Variants in ST6GALNAC3 observed in about 807,000 individuals in gnomAD.
The protein encoded by ST6GALNAC3 is alpha-N-acetylgalactosaminide alpha-2,6-sialyltransferase 3.
A neutral mutation model predicts 32.7 loss-of-function variants in ST6GALNAC3; 25 were observed. That is an observed-to-expected ratio of 0.76 (90% CI 0.56 to 1.07). ST6GALNAC3 has a LOEUF of 1.07. Among genes scored for constraint, ST6GALNAC3 ranks in the 50% least tolerant of loss-of-function variants. The probability of loss-of-function intolerance (pLI) is 0.00; values close to 1 mark genes in which losing one functional copy is unlikely to be tolerated. For synonymous variants in ST6GALNAC3, 129 were observed against 133.1 expected (o/e 0.97, Z 0.21); for missense variants, 355 against 382.4 (o/e 0.93, Z 0.60).
intron 3 of ST6GALNAC3, among the ~76,000 whole-genome samples, chr1:76,484,796 T>C (rs1382535082): frequency 6.6e-6 from 1 of 152,224 alleles, no homozygotes; most frequent in Non-Finnish European, 1.5e-5. Flanking sequence ...CCCTGTCTTG[T>C]GCCAGTTTTC....
chr1:76,100,801 T>C (rs575554960), intron 1 of ST6GALNAC3, among the ~76,000 whole-genome samples: 6 of 78,828 alleles, frequency 7.6e-5, no homozygotes, highest in Admixed American at 5.1e-4. Context: ...TCAGAATCTG[T>C]TTTTTTTTTT....
intron 1 of ST6GALNAC3, among the ~76,000 whole-genome samples, chr1:76,160,036 AG>A (rs1651715970): frequency 6.6e-6 from 1 of 152,164 alleles, no homozygotes; most frequent in African/African-American, 2.4e-5. Flanking sequence ...AGCTCTTTGT[AG>A]GATTGTTGGT....
Position 76,632,528 on chromosome 1 carries a change from T to C in ST6GALNAC3, c.*3722T>C, listed in dbSNP as rs1294131016. 4 of 152,168 alleles carry C rather than the reference T, an allele frequency of 2.6e-5. No homozygotes were observed. Among genetic ancestry groups the C allele is most frequent in the South Asian group, 2.1e-4 (1 of 4,828 alleles). The allele number at this position is 152,168 out of a possible 1,614,324, so 9.4% of individuals were successfully genotyped here. ...CCAGATTTGCATGATTTTTATTATA[T>C]AGCTACAGAACTGTGACCACTGTGA... On this transcript the variant is annotated 3_prime_UTR_variant, in exon 5 of 5. Transcript: ENST00000328299.
intron 1 of ST6GALNAC3, among the ~76,000 whole-genome samples, chr1:76,193,146 T>G (rs11162100): frequency 0.74 from 112,497 of 152,022 alleles, 42,660 homozygotes; most frequent in East Asian, 0.95. Context: ...AGTAGATTCT[T>G]CTACCCTGTG....
chr1:76,483,490 T>G (rs1376570699), intron 3 of ST6GALNAC3, among the ~76,000 whole-genome samples: 1 of 152,238 alleles, frequency 6.6e-6, no homozygotes, highest in Non-Finnish European at 1.5e-5. Flanking sequence ...GATGAGCATT[T>G]TTTCATGTGT....
At chr1:76,375,799 A>T (rs1282447851) in intron 2 of ST6GALNAC3, among the ~76,000 whole-genome samples, 1 of 152,240 alleles carries the variant, frequency 6.6e-6, no homozygotes, top group Non-Finnish European at 1.5e-5. Flanking sequence ...TATTCATAAA[A>T]TGGAATACTA....
At chr1:76,257,081 C>T (rs2100716096) in intron 1 of ST6GALNAC3, among the ~76,000 whole-genome samples, 1 of 152,196 alleles carries the variant, frequency 6.6e-6, no homozygotes, top group East Asian at 1.9e-4. Context: ...AGTATAGAAC[C>T]ATTACAGGGA....
At chr1:76,226,392 G>GT (rs1196270484) in intron 1 of ST6GALNAC3, among the ~76,000 whole-genome samples, 1 of 152,160 alleles carries the variant, frequency 6.6e-6, no homozygotes, top group South Asian at 2.1e-4. Flanking sequence ...GGAGTAACCT[G>GT]TTTTTTCTTC....
intron 2 of ST6GALNAC3, among the ~76,000 whole-genome samples, chr1:76,405,622 TGTGTG>T (rs1020381521): frequency 1.3e-4 from 20 of 151,688 alleles, no homozygotes; most frequent in African/African-American, 4.4e-4. Flanking sequence ...TGTGTGTGTG[TGTGTG>T]GTGTGAATTT....
intron 3 of ST6GALNAC3, among the ~76,000 whole-genome samples, chr1:76,472,504 T>A (rs960075266): frequency 1.3e-5 from 2 of 152,088 alleles, no homozygotes; most frequent in African/African-American, 4.8e-5. Flanking sequence ...CTCAGTAGTC[T>A]GGTGAGTGAG....
chr1:76,418,798 C>G (rs1654824909), intron 3 of ST6GALNAC3, among the ~76,000 whole-genome samples: 1 of 151,994 alleles, frequency 6.6e-6, no homozygotes, highest in African/African-American at 2.4e-5. Context: ...AAGCATAATA[C>G]TGCATTCAGG....
rs766287242 is a variant in ST6GALNAC3, at chr1:76,304,647, C to G, written c.19-9158C>G. Among the ~76,000 whole-genome samples the G allele has an allele frequency of 4.6e-5, 7 of 152,006 alleles. 1 individual carries two copies. The highest frequency in any genetic ancestry group is 8.8e-5 in the Non-Finnish European group (6 of 67,958). On this transcript the variant is annotated intron_variant, in intron 1 of 4. Coordinates refer to ENST00000328299, the MANE Select transcript of ST6GALNAC3 (RefSeq NM_152996.4). ...GGAGAGGAGACTTCCCTTCTCACTTCACTTGTTACAGAGAGATGCATGTGA... is the reference window on the plus strand; with the variant it reads ...GGAGAGGAGACTTCCCTTCTCACTTGACTTGTTACAGAGAGATGCATGTGA...
chr1:76,604,535 G>A (rs1382961510), intron 3 of ST6GALNAC3, among the ~76,000 whole-genome samples: 3 of 152,160 alleles, frequency 2.0e-5, no homozygotes, highest in Admixed American at 6.5e-5. Flanking sequence ...CACCTCAAAT[G>A]TTAGTGTTCC....
intron 3 of ST6GALNAC3, among the ~76,000 whole-genome samples, chr1:76,459,436 C>A (rs549638535): frequency 1.3e-5 from 2 of 152,112 alleles, no homozygotes; most frequent in East Asian, 3.9e-4. Context: ...TGGTGGCGGG[C>A]ACCTGTAGTC....
chr1:76,211,064 G>T (rs184286642), intron 1 of ST6GALNAC3, among the ~76,000 whole-genome samples: 1 of 152,282 alleles, frequency 6.6e-6, no homozygotes, highest in East Asian at 1.9e-4. Flanking sequence ...CATTGGATTA[G>T]GGCCCCATGC....
intron 2 of ST6GALNAC3, among the ~76,000 whole-genome samples, chr1:76,325,660 C>T (rs1257813606): frequency 2.0e-5 from 3 of 149,564 alleles, no homozygotes; most frequent in Non-Finnish European, 4.5e-5. Flanking sequence ...AGCATGCCCC[C>T]GGAATGGTAG....
At chr1:76,152,258 T>C (rs970559337) in intron 1 of ST6GALNAC3, among the ~76,000 whole-genome samples, 4 of 152,236 alleles carry the variant, frequency 2.6e-5, no homozygotes, top group Non-Finnish European at 5.9e-5. Context: ...TTTTTGCTTT[T>C]CCAAGGACAC....
intron 3 of ST6GALNAC3, among the ~76,000 whole-genome samples, chr1:76,451,229 T>G (rs1310111977): frequency 6.6e-6 from 1 of 152,162 alleles, no homozygotes; most frequent in Non-Finnish European, 1.5e-5. Context: ...ACTGGGTAAT[T>G]TAGAAAGGAA....
intron 3 of ST6GALNAC3, among the ~76,000 whole-genome samples, chr1:76,481,905 C>T (rs962823373): frequency 6.6e-6 from 1 of 152,070 alleles, no homozygotes; most frequent in African/African-American, 2.4e-5. Context: ...GCCCTAGTCT[C>T]GACAACTAAT....
Sources: gnomAD v4.1 joint callset for allele counts (sites outside exome capture counted in the v4.1 genomes callset) on GRCh38, gnomAD v4.1.1 for gene constraint, MANE v1.5 for transcripts, NCBI Gene and HGNC (gene_info 2026-07-23, HGNC 2026-07-21) for gene names.